SLC41A3: variants seen among roughly 807,000 people sequenced by gnomAD.
SLC41A3 encodes SLC41A1-like 2.
In SLC41A3, 44 loss-of-function variants were observed where a neutral mutation model predicts 45.4. The observed-to-expected ratio is 0.97, with a 90% CI of 0.76 to 1.25. SLC41A3 has a LOEUF of 1.25. Among genes scored for constraint, SLC41A3 ranks in the 50% most tolerant of loss-of-function variants. The probability of loss-of-function intolerance (pLI) is 0.00; values close to 1 mark genes in which losing one functional copy is unlikely to be tolerated. For missense variants in SLC41A3, 550 were observed against 600.6 expected (o/e 0.92, Z 0.88); for synonymous variants, 256 against 252.4 (o/e 1.01, Z -0.13).
At position 126,050,039 on chromosome 3, in the gene SLC41A3, G is replaced by T. The variant is rs373320161; in HGVS notation, c.381+904C>A. Among the ~76,000 whole-genome samples, 13 of 152,238 alleles carry T rather than the reference G, an allele frequency of 8.5e-5. No homozygotes were observed. In the East Asian group the frequency reaches 2.5e-3, roughly 29 times the overall value. ...ATAAGGACCCCTGTGGTTACACTGG[G>T]TCTATCTGTATAATCCAGGACAATC... On this transcript the variant is annotated intron_variant, in intron 3 of 10. Transcript: ENST00000360370.
chr3:126,008,401 G>A (rs1182148665), intron 10 of SLC41A3, among the ~76,000 whole-genome samples: 1 of 152,050 alleles, frequency 6.6e-6, no homozygotes, highest in South Asian at 2.1e-4. Context: ...GTGGTGTGGA[G>A]TGTGTGGGTT....
intron 2 of SLC41A3, among the ~76,000 whole-genome samples, chr3:126,061,670 C>A (rs1291562905): frequency 2.6e-5 from 4 of 152,152 alleles, no homozygotes; most frequent in Non-Finnish European, 5.9e-5. Flanking sequence ...AAGGGTGAGA[C>A]CCCCTCCCTC....
chr3:126,010,876 G>A (rs899916806), intron 9 of SLC41A3, among the ~76,000 whole-genome samples: 2 of 152,228 alleles, frequency 1.3e-5, no homozygotes, highest in African/African-American at 4.8e-5. Context: ...GCTGAATGGT[G>A]AACCCAGTCT....
At chr3:126,054,823 G>T (rs1007161928) in intron 2 of SLC41A3, among the ~76,000 whole-genome samples, 1 of 152,090 alleles carries the variant, frequency 6.6e-6, no homozygotes, top group African/African-American at 2.4e-5. Flanking sequence ...AGCATCAGCA[G>T]GGTGGTCTCA....
intron 1 of SLC41A3, among the ~76,000 whole-genome samples, chr3:126,079,451 G>A (rs746476155): frequency 6.6e-6 from 1 of 152,120 alleles, no homozygotes; most frequent in South Asian, 2.1e-4. Context: ...AGAGACAAAG[G>A]ATAAGTGTGC....
At chr3:126,035,950 A>G (rs1382431053) in intron 3 of SLC41A3, among the ~76,000 whole-genome samples, 2 of 152,224 alleles carry the variant, frequency 1.3e-5, no homozygotes, top group Non-Finnish European at 2.9e-5. Context: ...CAGTCTGAAT[A>G]GGAATGAAGA....
At chr3:126,009,107 TA>T (rs1170270035) in intron 9 of SLC41A3, among the ~76,000 whole-genome samples, 1 of 151,904 alleles carries the variant, frequency 6.6e-6, no homozygotes, top group Admixed American at 6.6e-5. Flanking sequence ...TAAGCAGAAA[TA>T]AAAAGAAGCA....
chr3:126,069,944 GA>G (rs1944537633), intron 1 of SLC41A3, among the ~76,000 whole-genome samples: 1 of 151,818 alleles, frequency 6.6e-6, no homozygotes, highest in Admixed American at 6.6e-5. Flanking sequence ...GAACGGAAAT[GA>G]AAAAGAATAA....
intron 3 of SLC41A3, among the ~76,000 whole-genome samples, chr3:126,039,728 A>G (rs1450820344): frequency 6.6e-6 from 1 of 152,266 alleles, no homozygotes; most frequent in Admixed American, 6.5e-5. Flanking sequence ...TAAAACAACC[A>G]GACAATCCAC....
intron 6 of SLC41A3, among the ~76,000 whole-genome samples, chr3:126,020,042 G>T (rs893198708): frequency 6.6e-6 from 1 of 152,120 alleles, no homozygotes; most frequent in Admixed American, 6.5e-5. Flanking sequence ...CCAAAACTTG[G>T]TAGTGGCTAC....
Position 126,016,860 on chromosome 3 carries a change from G to C in SLC41A3, c.761C>G (p.Thr254Arg). 6.2e-7 allele frequency: 1 copy of C among 1,612,496 alleles called. No individual in the cohort carries two copies. Among genetic ancestry groups the C allele is most frequent in the Non-Finnish European group, 8.5e-7 (1 of 1,179,860 alleles). The change falls in exon 7 of 11, where the codon ACG (threonine) becomes AGG (arginine). Residue 254 changes from threonine (T) to arginine (R), a missense_variant. Transcript: ENST00000360370. The part of the protein sequence containing the change: ...FYRHKDSRYL[T>R]PLVCLSFAAL... ...CGCAAAGCTGAGGCAGACCAGCGGC[G>C]TCAGATACCGACTATCTGAAAGGAG...
upstream of SLC41A3, among the ~76,000 whole-genome samples, chr3:126,088,590 T>A (rs1398475453): frequency 6.6e-6 from 1 of 151,964 alleles, no homozygotes; most frequent in Non-Finnish European, 1.5e-5. Context: ...TGCTTTAGAA[T>A]GAAGAAAAAA....
intron 2 of SLC41A3, 31 bp from the exon 3 acceptor site, chr3:126,051,081 AAC>A (rs1206144347): frequency 1.3e-6 from 2 of 1,551,444 alleles, no homozygotes; most frequent in Middle Eastern, 1.7e-4. Flanking sequence ...AGATAAGCCA[AAC>A]ACACACATCA....
intron 2 of SLC41A3, among the ~76,000 whole-genome samples, chr3:126,062,906 C>T (rs1449630755): frequency 6.6e-6 from 1 of 152,254 alleles, no homozygotes. Context: ...CTTATTAGTG[C>T]CCCCAGAAAC....
chr3:126,078,240 G>A (rs1322602800), intron 1 of SLC41A3, among the ~76,000 whole-genome samples: 4 of 152,080 alleles, frequency 2.6e-5, no homozygotes, highest in East Asian at 1.9e-4. Context: ...TGACCTTCTC[G>A]TCCTCAACCT....
At chr3:126,038,278 AAGG>A (rs1449461536) in intron 3 of SLC41A3, among the ~76,000 whole-genome samples, 1 of 152,220 alleles carries the variant, frequency 6.6e-6, no homozygotes, top group African/African-American at 2.4e-5. Flanking sequence ...GGAGCTTGGG[AAGG>A]AGACCACCAC....
intron 1 of SLC41A3, among the ~76,000 whole-genome samples, chr3:126,090,542 A>G (rs563275372): frequency 6.6e-5 from 10 of 152,178 alleles, no homozygotes; most frequent in Non-Finnish European, 1.5e-4. Context: ...TTTTCTTCAT[A>G]TTTTTAATTG....
intron 1 of SLC41A3, among the ~76,000 whole-genome samples, chr3:126,082,166 C>T (rs1945187785): frequency 6.6e-6 from 1 of 152,236 alleles, no homozygotes; most frequent in Non-Finnish European, 1.5e-5. Flanking sequence ...AGAACATGCT[C>T]CAATGTCCCT....
intron 4 of SLC41A3, among the ~76,000 whole-genome samples, chr3:126,028,573 T>A (rs1941551507): frequency 2.0e-5 from 3 of 152,218 alleles, no homozygotes. Flanking sequence ...TACTAGGCAG[T>A]GTTGGGGGAA....
Sources: allele counts gnomAD v4.1 joint callset (sites outside exome capture counted in the v4.1 genomes callset), GRCh38; gene constraint gnomAD v4.1.1; transcripts MANE v1.5; gene names NCBI Gene and HGNC (gene_info 2026-07-23, HGNC 2026-07-21).